The following IKBKB-DT variants were observed in gnomAD, a reference collection of about 807,000 sequenced individuals.
The protein encoded by IKBKB-DT is IKBKB divergent transcript.
chr8:42,266,713 C>T (rs991193909), intron 1 of IKBKB-DT, among the ~76,000 whole-genome samples: 1 of 152,206 alleles, frequency 6.6e-6, no homozygotes, highest in African/African-American at 2.4e-5. Context: ...AAACAGGTTT[C>T]GGTAAAGAAG....
At chr8:42,251,828 C>CAAAAAAAAAAA (rs59420104) in intron 3 of IKBKB-DT, among the ~76,000 whole-genome samples, 1,139 of 91,294 alleles carry the variant, frequency 0.012, 40 homozygotes, top group African/African-American at 0.036. Context: ...GACTCCATCT[C>CAAAAAAAAAAA]AAAAAAAAAA....
rs927672055 is a variant in IKBKB-DT, at chr8:42,251,414, A to C, written n.1529+11915T>G. Among the ~76,000 whole-genome samples, 4 of 152,214 alleles carry C rather than the reference A, an allele frequency of 2.6e-5. No homozygotes were observed. In the East Asian group the frequency reaches 5.8e-4, roughly 22 times the overall value. On this transcript the variant is annotated intron_variant and non_coding_transcript_variant, in intron 3 of 3. Transcript: ENST00000518213. ...AGGTTAGTGCAGGGAAGAACAAAGA[A>C]GTTGCTTACGGAAGGTTTAAGGAAG...
At chr8:42,239,512 A>G (rs571307564) in intron 3 of IKBKB-DT, among the ~76,000 whole-genome samples, 8 of 150,448 alleles carry the variant, frequency 5.3e-5, no homozygotes, top group African/African-American at 2.0e-4. Context: ...AAATTGACAA[A>G]TTACCAATTT....
At chr8:42,261,624 CCTT>C (rs1294928389) in intron 3 of IKBKB-DT, among the ~76,000 whole-genome samples, 2 of 152,178 alleles carry the variant, frequency 1.3e-5, no homozygotes, top group South Asian at 2.1e-4. Context: ...TTGTAATTCT[CCTT>C]CTCCTGATTT....
intron 3 of IKBKB-DT, among the ~76,000 whole-genome samples, chr8:42,250,144 AAGGT>A (rs1807113949): frequency 6.6e-6 from 1 of 152,012 alleles, no homozygotes; most frequent in African/African-American, 2.4e-5. Context: ...GGGTTTTTCA[AAGGT>A]AGTTTGGGGA....
chr8:42,243,120 G>C (rs1050525960), intron 3 of IKBKB-DT, among the ~76,000 whole-genome samples: 9 of 152,208 alleles, frequency 5.9e-5, no homozygotes, highest in African/African-American at 1.7e-4. Context: ...TGCCAGCTTA[G>C]TGTCTTACCT....
intron 1 of IKBKB-DT, among the ~76,000 whole-genome samples, chr8:42,268,651 C>T (rs1175789138): frequency 6.6e-6 from 1 of 151,592 alleles, no homozygotes; most frequent in Non-Finnish European, 1.5e-5. Flanking sequence ...ACTGCAACCT[C>T]CAGCTCCTGG....
rs549573328 is a variant in IKBKB-DT at position 42,247,676 on chromosome 8, T to C, written n.1530-13817A>G. Among the ~76,000 whole-genome samples the C allele has an allele frequency of 5.3e-5, 8 of 152,274 alleles. No individual in the cohort carries two copies. In the East Asian group the frequency reaches 7.7e-4, roughly 15 times the overall value. Reference sequence around the variant, plus strand: ...GAGGGAGAGACCTGGTGGGAGGTGATTGGATCATGGGGGCAGTTTCCTCAT... The same window carrying C: ...GAGGGAGAGACCTGGTGGGAGGTGACTGGATCATGGGGGCAGTTTCCTCAT... On this transcript the variant is annotated intron_variant and non_coding_transcript_variant, in intron 3 of 3. Transcript: ENST00000518213.
chr8:42,236,697 C>T (rs905932097), intron 3 of IKBKB-DT, among the ~76,000 whole-genome samples: 3 of 152,094 alleles, frequency 2.0e-5, no homozygotes, highest in East Asian at 1.9e-4. Context: ...GCAGAGGTTG[C>T]GGTGAGCTAA....
At chr8:42,263,419 G>A (rs562571791) in exon 3 of IKBKB-DT, 1 of 152,306 alleles carries the variant, frequency 6.6e-6, no homozygotes, top group South Asian at 2.1e-4. Context: ...CGAAACTGTA[G>A]GGGCAGAATA....
At chr8:42,266,767 T>C (rs1351034502) in intron 1 of IKBKB-DT, among the ~76,000 whole-genome samples, 1 of 152,022 alleles carries the variant, frequency 6.6e-6, no homozygotes, top group African/African-American at 2.4e-5. Context: ...GAGAGTGACA[T>C]CTGGTCGTCC....
intron 3 of IKBKB-DT, among the ~76,000 whole-genome samples, chr8:42,261,042 CT>C (rs1335954573): frequency 2.0e-5 from 3 of 152,082 alleles, no homozygotes; most frequent in Non-Finnish European, 4.4e-5. Context: ...ATCATTTCAT[CT>C]GGCTAGCTGT....
At chr8:42,265,756 A>G (rs1807360852) in exon 2 of IKBKB-DT, 1 of 152,166 alleles carries the variant, frequency 6.6e-6, no homozygotes, top group East Asian at 1.9e-4. Flanking sequence ...AAGTAAAGGG[A>G]GCTTAAAAAG....
intron 3 of IKBKB-DT, among the ~76,000 whole-genome samples, chr8:42,238,452 G>A (rs1400781093): frequency 6.6e-6 from 1 of 152,190 alleles, no homozygotes; most frequent in Non-Finnish European, 1.5e-5. Flanking sequence ...TTCAGGGACT[G>A]AAAGAGCCTT....
intron 3 of IKBKB-DT, among the ~76,000 whole-genome samples, chr8:42,235,429 T>G (rs1307988921): frequency 6.6e-6 from 1 of 152,104 alleles, no homozygotes; most frequent in African/African-American, 2.4e-5. Context: ...GGTCTCAAAC[T>G]CCTGGCCTCA....
intron 3 of IKBKB-DT, among the ~76,000 whole-genome samples, chr8:42,251,184 G>A (rs1165397884): frequency 6.6e-6 from 1 of 152,210 alleles, no homozygotes; most frequent in Non-Finnish European, 1.5e-5. Flanking sequence ...TCTCAGCAAG[G>A]CCATCTTTAC....
intron 3 of IKBKB-DT, among the ~76,000 whole-genome samples, chr8:42,250,386 G>A (rs1807116631): frequency 6.6e-6 from 1 of 152,116 alleles, no homozygotes; most frequent in Admixed American, 6.6e-5. Flanking sequence ...TATCTGCAGG[G>A]GTAATTGGGG....
At chr8:42,236,750 T>G (rs866517474) in intron 3 of IKBKB-DT, among the ~76,000 whole-genome samples, 1 of 152,206 alleles carries the variant, frequency 6.6e-6, no homozygotes, top group Middle Eastern at 3.4e-3. Context: ...AGAGTGAAAC[T>G]CCATCACACA....
intron 3 of IKBKB-DT, among the ~76,000 whole-genome samples, chr8:42,242,767 T>TA (rs1327446734): frequency 6.6e-6 from 1 of 152,148 alleles, no homozygotes; most frequent in Non-Finnish European, 1.5e-5. Flanking sequence ...GCTCTGAGCC[T>TA]CCCCCAGTCC....
Sources: allele counts gnomAD v4.1 joint callset (sites outside exome capture counted in the v4.1 genomes callset), GRCh38; gene constraint gnomAD v4.1.1; transcripts MANE v1.5; gene names NCBI Gene and HGNC (gene_info 2026-07-23, HGNC 2026-07-21).